CERS6: variants seen among roughly 807,000 people sequenced by gnomAD.
The protein encoded by CERS6 is ceramide synthase 6, also known as LAG1 homolog, ceramide synthase 6.
A neutral mutation model predicts 56.8 loss-of-function variants in CERS6; 26 were observed. The ratio of observed to expected loss-of-function variants is 0.46; its 90% CI spans 0.34 to 0.63. CERS6 has a LOEUF of 0.63. CERS6 is among the 30% of genes least tolerant of loss of function. The pLI is 0.01. For synonymous variants in CERS6, 164 were observed against 173.3 expected (o/e 0.95, Z 0.42); for missense variants, 415 against 467.5 (o/e 0.89, Z 1.04).
intron 3 of CERS6, among the ~76,000 whole-genome samples, chr2:168,604,357 GAC>G: frequency 6.7e-6 from 1 of 149,540 alleles, no homozygotes; most frequent in South Asian, 2.2e-4. Flanking sequence ...GTATGTGTGT[GAC>G]AGAGACAGAT....
chr2:168,515,437 G>A (rs13401769), intron 1 of CERS6, among the ~76,000 whole-genome samples: 2,460 of 152,056 alleles, frequency 0.016, 46 homozygotes, highest in African/African-American at 0.057. Flanking sequence ...AAACTTTAAA[G>A]ATGGTCCTGG....
At chr2:168,617,922 A>G (rs914936265) in intron 3 of CERS6, among the ~76,000 whole-genome samples, 8 of 152,200 alleles carry the variant, frequency 5.3e-5, no homozygotes, top group African/African-American at 1.9e-4. Context: ...AAGAAAGGAC[A>G]TAACCAAAAA....
chr2:168,749,815 C>T (rs563741608), intron 8 of CERS6, among the ~76,000 whole-genome samples: 16 of 152,226 alleles, frequency 1.1e-4, no homozygotes, highest in South Asian at 4.2e-4. Context: ...AAGGGCAAGC[C>T]GGAGGTAGAA....
At chr2:168,632,520 C>T (rs963872753) in intron 4 of CERS6, among the ~76,000 whole-genome samples, 21 of 151,938 alleles carry the variant, frequency 1.4e-4, no homozygotes, top group Admixed American at 1.4e-3. Flanking sequence ...ACCATATGGC[C>T]CAGAGGCCAT....
chr2:168,526,336 G>A (rs910261382), intron 1 of CERS6, among the ~76,000 whole-genome samples: 2 of 152,132 alleles, frequency 1.3e-5, no homozygotes, highest in African/African-American at 2.4e-5. Flanking sequence ...TGCTGTTTAG[G>A]TTTTCTGGCA....
chr2:168,693,678 T>C (rs1347143777), intron 5 of CERS6, among the ~76,000 whole-genome samples: 2 of 152,140 alleles, frequency 1.3e-5, no homozygotes, highest in Non-Finnish European at 2.9e-5. Context: ...GAGAATACCC[T>C]AAGAGCTCAT....
At chr2:168,598,544 T>G (rs1294688023) in intron 3 of CERS6, among the ~76,000 whole-genome samples, 3 of 152,132 alleles carry the variant, frequency 2.0e-5, no homozygotes, top group Non-Finnish European at 4.4e-5. Context: ...AGCCTAATGA[T>G]TATCACATGG....
chr2:168,596,119 T>G lies in CERS6; in HGVS notation c.407+34797T>G, dbSNP rs545808110. The stretch of plus-strand genomic sequence containing the variant: ...AAAGGATAAAAATAAAAATTATCAT[T>G]AAACTGCCAAAATTCAATATTTGTT... On this transcript the variant is annotated intron_variant, in intron 3 of 9. Transcript: ENST00000305747. Among the ~76,000 whole-genome samples the G allele has an allele frequency of 1.1e-4, 16 of 152,106 alleles. No individual in the cohort carries two copies. In the South Asian group the frequency reaches 3.3e-3, roughly 32 times the overall value.
intron 8 of CERS6, among the ~76,000 whole-genome samples, chr2:168,721,924 A>G (rs1364941501): frequency 6.6e-6 from 1 of 152,164 alleles, no homozygotes; most frequent in Non-Finnish European, 1.5e-5. Context: ...CCAGCCCACC[A>G]CACTCTTTTA....
intron 8 of CERS6, among the ~76,000 whole-genome samples, chr2:168,746,808 T>C (rs901678366): frequency 9.0e-5 from 10 of 110,702 alleles, no homozygotes; most frequent in Non-Finnish European, 1.8e-4. Flanking sequence ...TATATATATA[T>C]ATATATATAT....
intron 1 of CERS6, among the ~76,000 whole-genome samples, chr2:168,519,354 G>A (rs6433071): frequency 0.3 from 46,007 of 151,982 alleles, 7,508 homozygotes; most frequent in African/African-American, 0.42. Flanking sequence ...AGACATTTAT[G>A]ATATAATTTT....
chr2:168,586,623 A>AT (rs1390701814), intron 3 of CERS6, among the ~76,000 whole-genome samples: 1 of 152,032 alleles, frequency 6.6e-6, no homozygotes, highest in Non-Finnish European at 1.5e-5. Flanking sequence ...TTTGGGGTCC[A>AT]TTTTTTCATT....
intron 8 of CERS6, among the ~76,000 whole-genome samples, chr2:168,738,233 C>CTTG (rs1269324890): frequency 3.9e-5 from 6 of 152,180 alleles, no homozygotes; most frequent in African/African-American, 1.4e-4. Flanking sequence ...TTGCTTTCTG[C>CTTG]TTACAGCTAT....
chr2:168,554,136 C>T (rs1372917483), intron 2 of CERS6, among the ~76,000 whole-genome samples: 1 of 151,258 alleles, frequency 6.6e-6, no homozygotes, highest in Non-Finnish European at 1.5e-5. Context: ...TGGATAACCA[C>T]TAGAACAAAA....
intron 9 of CERS6, among the ~76,000 whole-genome samples, chr2:168,766,103 G>A (rs1228324992): frequency 6.6e-6 from 1 of 152,092 alleles, no homozygotes; most frequent in Non-Finnish European, 1.5e-5. Context: ...CTGTATGCCG[G>A]TTTAAACAAA....
At chr2:168,746,204 T>G (rs1172513306) in intron 8 of CERS6, among the ~76,000 whole-genome samples, 1 of 152,158 alleles carries the variant, frequency 6.6e-6, no homozygotes, top group Non-Finnish European at 1.5e-5. Flanking sequence ...CCCAGCACCT[T>G]GTAGAAACAC....
intron 6 of CERS6, among the ~76,000 whole-genome samples, chr2:168,710,620 G>C (rs1431668748): frequency 1.3e-5 from 2 of 152,238 alleles, no homozygotes; most frequent in Non-Finnish European, 2.9e-5. Context: ...TCTAATAACA[G>C]CTTGGAGAGA....
At chr2:168,632,813 G>A (rs79577147) in intron 4 of CERS6, among the ~76,000 whole-genome samples, 2,626 of 152,192 alleles carry the variant, frequency 0.017, 102 homozygotes, top group East Asian at 0.16. Context: ...TTTGGAATTC[G>A]TGCCTGGTTC....
intron 4 of CERS6, among the ~76,000 whole-genome samples, chr2:168,680,670 C>T (rs757571729): frequency 3.9e-5 from 6 of 152,054 alleles, no homozygotes; most frequent in Non-Finnish European, 8.8e-5. Context: ...ATGAGAGCTC[C>T]TTCCTCCTTA....
Sources: allele counts gnomAD v4.1 joint callset (sites outside exome capture counted in the v4.1 genomes callset), GRCh38; gene constraint gnomAD v4.1.1; transcripts MANE v1.5; gene names NCBI Gene and HGNC (gene_info 2026-07-23, HGNC 2026-07-21).